DACH1: variants seen among roughly 807,000 people sequenced by gnomAD.
The protein encoded by DACH1 is dachshund family transcription factor 1.
DACH1 carries 12 observed loss-of-function variants against 54.2 expected under a neutral mutation model. That is an observed-to-expected ratio of 0.22 (90% CI 0.14 to 0.36). DACH1 has a LOEUF of 0.36. Among genes scored for constraint, DACH1 ranks in the 10% least tolerant of loss-of-function variants. The pLI is 1.00. For missense variants in DACH1, 805 were observed against 929.8 expected, an observed-to-expected ratio of 0.87 and a Z score of 1.75; for synonymous variants, 386 against 366.2, an observed-to-expected ratio of 1.05 and a Z score of -0.62.
intron 1 of DACH1, among the ~76,000 whole-genome samples, chr13:71,724,250 T>A (rs984279518): frequency 6.6e-6 from 1 of 152,200 alleles, no homozygotes; most frequent in Non-Finnish European, 1.5e-5. Flanking sequence ...CCTGTTTAGC[T>A]CAAGTGAGAA....
intron 1 of DACH1, among the ~76,000 whole-genome samples, chr13:71,793,929 C>T (rs940179675): frequency 3.3e-5 from 5 of 152,142 alleles, no homozygotes; most frequent in African/African-American, 1.2e-4. Context: ...GAGCTAGAAT[C>T]CAAATCACAG....
chr13:71,550,923 A>G (rs2138356604), intron 6 of DACH1, among the ~76,000 whole-genome samples: 1 of 152,268 alleles, frequency 6.6e-6, no homozygotes, highest in African/African-American at 2.4e-5. Flanking sequence ...TGGTATAAGT[A>G]AAGGAGAAGT....
chr13:71,652,832 T>C (rs951508320), intron 2 of DACH1, among the ~76,000 whole-genome samples: 3 of 152,128 alleles, frequency 2.0e-5, no homozygotes, highest in Admixed American at 6.5e-5. Context: ...GTACCCTCCA[T>C]AGCATAAACG....
chr13:71,803,883 A>C (rs1594241341), intron 1 of DACH1, among the ~76,000 whole-genome samples: 2 of 152,154 alleles, frequency 1.3e-5, no homozygotes, highest in East Asian at 1.9e-4. Flanking sequence ...ATCTTGCTAG[A>C]TTCTTAGACA....
At chr13:71,811,097 CCTAA>C (rs1431932649) in intron 1 of DACH1, among the ~76,000 whole-genome samples, 12 of 151,906 alleles carry the variant, frequency 7.9e-5, no homozygotes, top group East Asian at 3.9e-4. Context: ...CAGTTCTATC[CCTAA>C]CTAAGATATC....
chr13:71,509,121 A>G (rs1210489564), intron 6 of DACH1, among the ~76,000 whole-genome samples: 1 of 152,018 alleles, frequency 6.6e-6, no homozygotes, highest in Non-Finnish European at 1.5e-5. Context: ...TTCTACTACC[A>G]CACCTCACTC....
intron 1 of DACH1, among the ~76,000 whole-genome samples, chr13:71,722,377 A>G (rs1594136913): frequency 6.6e-6 from 1 of 152,308 alleles, no homozygotes; most frequent in East Asian, 1.9e-4. Context: ...TACGAGGTGG[A>G]ATATAACAAG....
At position 71,866,737 on chromosome 13, in the gene DACH1, G is replaced by C; in HGVS notation, c.33C>G (p.Thr11=). The C allele has an allele frequency of 7.0e-7, 1 of 1,427,796 alleles. No individual in the cohort carries two copies. The highest frequency in any genetic ancestry group is 9.2e-7 in the Non-Finnish European group (1 of 1,081,704). The allele number at this position is 1,427,796 out of a possible 1,614,324, so 88.4% of individuals were successfully genotyped here. A position where few individuals can be genotyped will look rare whatever the true frequency, so the allele number is the denominator to read the frequency against. Residue 11 remains threonine, a synonymous_variant, in exon 1 of 11, where the codon ACC becomes ACG. Coordinates refer to ENST00000613252, the MANE Select transcript of DACH1 (RefSeq NM_080759.6). MAVPAALIPP[T]QLVPPQPPIS... ...TTGGGGGTTGAGGGGGGACCAGCTG[G>C]GTCGGAGGGATCAAAGCCGCCGGCA...
At chr13:71,457,347 A>G (rs1286926635) in intron 10 of DACH1, among the ~76,000 whole-genome samples, 2 of 152,064 alleles carry the variant, frequency 1.3e-5, no homozygotes, top group Non-Finnish European at 2.9e-5. Flanking sequence ...AATCTGCAGA[A>G]TCAACAAAGA....
chr13:71,785,945 T>A (rs1886574260), intron 1 of DACH1, among the ~76,000 whole-genome samples: 1 of 152,082 alleles, frequency 6.6e-6, no homozygotes, highest in Non-Finnish European at 1.5e-5. Flanking sequence ...AGCAAGCAAG[T>A]ACCAGAGAGC....
At chr13:71,793,235 T>C (rs998134385) in intron 1 of DACH1, among the ~76,000 whole-genome samples, 1 of 152,128 alleles carries the variant, frequency 6.6e-6, no homozygotes, top group African/African-American at 2.4e-5. Flanking sequence ...TATCTTTGAG[T>C]TATACTTTAA....
At chr13:71,772,469 C>T (rs1885897174) in intron 1 of DACH1, among the ~76,000 whole-genome samples, 1 of 151,638 alleles carries the variant, frequency 6.6e-6, no homozygotes, top group African/African-American at 2.4e-5. Context: ...CAATAGAAGT[C>T]ATTAACCATT....
chr13:71,448,542 C>CT (rs895261140), intron 10 of DACH1, among the ~76,000 whole-genome samples: 1 of 152,114 alleles, frequency 6.6e-6, no homozygotes, highest in South Asian at 2.1e-4. Context: ...TTGTTTCTTG[C>CT]TTTTTTTATA....
At chr13:71,659,081 C>T (rs1394007218) in intron 2 of DACH1, among the ~76,000 whole-genome samples, 1 of 151,998 alleles carries the variant, frequency 6.6e-6, no homozygotes, top group East Asian at 1.9e-4. Flanking sequence ...AAGTCACTAC[C>T]TCTTTGTATA....
At chr13:71,527,558 G>A (rs988578884) in intron 6 of DACH1, among the ~76,000 whole-genome samples, 1 of 152,114 alleles carries the variant, frequency 6.6e-6, no homozygotes, top group Admixed American at 6.6e-5. Flanking sequence ...TGAAAAGTTG[G>A]TATTTTCTTC....
intron 3 of DACH1, among the ~76,000 whole-genome samples, chr13:71,620,867 T>C (rs1455499547): frequency 1.3e-5 from 2 of 150,676 alleles, no homozygotes; most frequent in African/African-American, 5.0e-5. Flanking sequence ...AAATCATAGA[T>C]GAATTATTTA....
chr13:71,462,043 C>T (rs940462429), intron 10 of DACH1, among the ~76,000 whole-genome samples: 3 of 151,776 alleles, frequency 2.0e-5, no homozygotes, highest in African/African-American at 7.3e-5. Flanking sequence ...CACTCTTTCT[C>T]CCAGGGAGAA....
chr13:71,716,890 A>T (rs1882997577), intron 1 of DACH1, among the ~76,000 whole-genome samples: 1 of 152,154 alleles, frequency 6.6e-6, no homozygotes, highest in Non-Finnish European at 1.5e-5. Context: ...ATAGGTATAC[A>T]TGTGCCATGG....
At chr13:71,864,570 C>G (rs1237481065) in intron 1 of DACH1, among the ~76,000 whole-genome samples, 2 of 152,124 alleles carry the variant, frequency 1.3e-5, no homozygotes, top group South Asian at 4.1e-4. Flanking sequence ...AAATTTTGCG[C>G]GCAGTTCCCA....
Sources: allele counts gnomAD v4.1 joint callset (sites outside exome capture counted in the v4.1 genomes callset), GRCh38; gene constraint gnomAD v4.1.1; transcripts MANE v1.5; gene names NCBI Gene and HGNC (gene_info 2026-07-23, HGNC 2026-07-21).